Variants in TANC2 observed in about 807,000 individuals in gnomAD.
TANC2 encodes tetratricopeptide repeat, ankyrin repeat and coiled-coil containing 2.
TANC2 carries 26 observed loss-of-function variants against 210.5 expected under a neutral mutation model. The ratio of observed to expected loss-of-function variants is 0.12; its 90% CI spans 0.09 to 0.17. The LOEUF is 0.17. Ranked by LOEUF, TANC2 falls within the 10% of genes least tolerant of loss-of-function variation. The pLI is 1.00. For missense variants in TANC2, 2,129 were observed against 2,608.9 expected (o/e 0.82, Z 4.01); for synonymous variants, 931 against 967.1 (o/e 0.96, Z 0.69).
At chr17:63,391,493 G>A (rs2047971757) in intron 17 of TANC2, 1 of 152,186 alleles carries the variant, frequency 6.6e-6, no homozygotes, top group Non-Finnish European at 1.5e-5. Flanking sequence ...AAAAGAGTCA[G>A]TGTAAGCATT....
chr17:63,102,960 A>G (rs1452754559), intron 4 of TANC2, among the ~76,000 whole-genome samples: 1 of 152,158 alleles, frequency 6.6e-6, no homozygotes, highest in South Asian at 2.1e-4. Flanking sequence ...ATTAGATATT[A>G]TAAGTAATTT....
At chr17:63,374,804 T>G (rs2047375812) in intron 14 of TANC2, among the ~76,000 whole-genome samples, 1 of 152,210 alleles carries the variant, frequency 6.6e-6, no homozygotes, top group Non-Finnish European at 1.5e-5. Flanking sequence ...ATTTAAATTT[T>G]ATATCAGAGG....
At chr17:63,041,711 C>T (rs751257768) in intron 2 of TANC2, among the ~76,000 whole-genome samples, 4 of 152,000 alleles carry the variant, frequency 2.6e-5, no homozygotes, top group Non-Finnish European at 5.9e-5. Flanking sequence ...TTTATGTTAA[C>T]TGATAGACTG....
intron 7 of TANC2, among the ~76,000 whole-genome samples, chr17:63,217,995 A>C (rs948213508): frequency 4.6e-5 from 7 of 152,122 alleles, no homozygotes; most frequent in South Asian, 2.1e-4. Flanking sequence ...CAAAAAAAAA[A>C]CAGCATTGGT....
intron 8 of TANC2, among the ~76,000 whole-genome samples, chr17:63,262,928 T>C (rs896520646): frequency 2.0e-5 from 3 of 152,212 alleles, no homozygotes; most frequent in African/African-American, 7.2e-5. Flanking sequence ...TTTTTTTTAA[T>C]ACTTTTGCTA....
Position 63,421,054 on chromosome 17 carries a change from G to T in TANC2, c.5324G>T (p.Gly1775Val). The T allele has an allele frequency of 6.2e-7, 1 of 1,613,980 alleles. No individual in the cohort carries two copies. The change falls in exon 28 of 28, where the codon GGA (glycine) becomes GTA (valine). Residue 1775 changes from glycine to valine, a missense_variant. By Grantham distance (109) the Gly-to-Val change is moderately radical. Around this residue, in one of 5 missense-constraint regions of TANC2, gnomAD observed 584 missense variants for 627.3 expected, o/e 0.93. Transcript: ENST00000689528. The surrounding 1 kb of genome is among the most constrained non-coding windows in gnomAD (Gnocchi z 6.9). ...GCAGGCGCCATCTGTCAGCATGGAG[G>T]ATTGACCAAAGAGGATCTTCCACAG... is the stretch of plus-strand genomic sequence containing the variant.
At chr17:63,037,962 T>C (rs1256394268) in intron 2 of TANC2, among the ~76,000 whole-genome samples, 3 of 152,214 alleles carry the variant, frequency 2.0e-5, no homozygotes, top group Non-Finnish European at 4.4e-5. Flanking sequence ...ATAATGTCTT[T>C]TGATAATAGG....
intron 8 of TANC2, among the ~76,000 whole-genome samples, chr17:63,240,188 A>C (rs1047805559): frequency 6.6e-6 from 1 of 152,234 alleles, no homozygotes; most frequent in East Asian, 1.9e-4. Flanking sequence ...ACTACCAACC[A>C]TAATAGTATG....
At chr17:63,333,174 A>G (rs913241157) in intron 11 of TANC2, among the ~76,000 whole-genome samples, 3 of 152,226 alleles carry the variant, frequency 2.0e-5, no homozygotes, top group African/African-American at 7.2e-5. Context: ...ACTCCCATAG[A>G]TAATGATTGT....
At chr17:63,142,316 A>G (rs1037250700) in intron 4 of TANC2, among the ~76,000 whole-genome samples, 1 of 152,130 alleles carries the variant, frequency 6.6e-6, no homozygotes, top group South Asian at 2.1e-4. Flanking sequence ...GTCTTAATGA[A>G]TGAGTTTTGA....
At chr17:62,968,076 A>G (rs2031465748) in intron 1 of TANC2, among the ~76,000 whole-genome samples, 1 of 152,242 alleles carries the variant, frequency 6.6e-6, no homozygotes, top group Admixed American at 6.5e-5. Flanking sequence ...ACATGCTGCA[A>G]AACATTGTGA....
At chr17:63,381,807 A>G (rs1210829921) in intron 15 of TANC2, among the ~76,000 whole-genome samples, 1 of 152,218 alleles carries the variant, frequency 6.6e-6, no homozygotes, top group Non-Finnish European at 1.5e-5. Flanking sequence ...GAGCAAGCTT[A>G]TCACTGGCTG....
In TANC2 at chr17:63,110,680, A is replaced by G. The variant is rs78652628; in HGVS notation, c.322+11323A>G. On this transcript the variant is annotated intron_variant, in intron 4 of 27. Transcript: ENST00000689528. ...GCCTCTTTGATAAGGTCTTAATCCC[A>G]GCCACAAAGGGAGGAGCCTTTATAT... Among the ~76,000 whole-genome samples, 347 of 152,328 alleles carry G rather than the reference A, an allele frequency of 2.3e-3. 3 individuals carry two copies. Among genetic ancestry groups the G allele is most frequent in the East Asian group, 0.013 (68 of 5,186 alleles).
intron 14 of TANC2, among the ~76,000 whole-genome samples, chr17:63,369,966 T>G (rs2047217464): frequency 1.3e-5 from 2 of 152,020 alleles, no homozygotes; most frequent in African/African-American, 4.8e-5. Context: ...CAAGCGCTTT[T>G]GAGTATCACC....
chr17:63,232,695 C>T (rs1431032389), intron 7 of TANC2, among the ~76,000 whole-genome samples: 28 of 152,222 alleles, frequency 1.8e-4, no homozygotes, highest in Non-Finnish European at 2.2e-4. Flanking sequence ...TATAAGGTGT[C>T]TGGCGACCCC....
chr17:63,188,932 G>A (rs1420584683), intron 5 of TANC2, among the ~76,000 whole-genome samples: 1 of 151,104 alleles, frequency 6.6e-6, no homozygotes, highest in African/African-American at 2.4e-5. Flanking sequence ...CCCATTCACA[G>A]TCACTCCCCA....
chr17:63,344,645 A>T (rs2046342661), intron 12 of TANC2, among the ~76,000 whole-genome samples: 1 of 152,232 alleles, frequency 6.6e-6, no homozygotes, highest in Admixed American at 6.5e-5. Context: ...ACTAGTAAGC[A>T]CAAAGCTTTA....
chr17:63,212,539 A>G (rs2041917556), intron 7 of TANC2, among the ~76,000 whole-genome samples: 1 of 152,200 alleles, frequency 6.6e-6, no homozygotes, highest in African/African-American at 2.4e-5. Context: ...AATGCAAAAT[A>G]ACATCAGTGC....
At chr17:63,265,354 C>T (rs1406335115) in intron 8 of TANC2, among the ~76,000 whole-genome samples, 1 of 152,158 alleles carries the variant, frequency 6.6e-6, no homozygotes, top group Non-Finnish European at 1.5e-5. Context: ...GGAAGGGATA[C>T]TCAACCTATA....
Sources: gnomAD v4.1 joint callset for allele counts (sites outside exome capture counted in the v4.1 genomes callset) on GRCh38, gnomAD v4.1.1 for gene constraint, gnomAD v4.1.1 regional missense constraint, Gnocchi (gnomAD v3.1) non-coding constraint, MANE v1.5 for transcripts, NCBI Gene and HGNC (gene_info 2026-07-23, HGNC 2026-07-21) for gene names.